KNTC1: variants seen among roughly 807,000 people sequenced by gnomAD.
KNTC1 encodes the protein kinetochore associated 1, also known as kinetochore-associated protein 1.
Under a neutral mutation model 314.4 loss-of-function variants are expected in KNTC1, and 253 were observed. The ratio of observed to expected loss-of-function variants is 0.80; its 90% CI spans 0.73 to 0.89. The LOEUF is 0.89. KNTC1 is among the 40% of genes least tolerant of loss of function. KNTC1 has a pLI of 0.00. For synonymous variants in KNTC1, 901 were observed against 901.4 expected, an observed-to-expected ratio of 1.00 and a Z score of 0.01; for missense variants, 2,475 against 2,572.9, an observed-to-expected ratio of 0.96 and a Z score of 0.82.
intron 30 of KNTC1, 111 bp downstream of exon 30, chr12:122,577,140 G>A (rs1018879242): frequency 1.3e-5 from 10 of 745,788 alleles, no homozygotes; most frequent in African/African-American, 1.8e-5. Flanking sequence ...TGCAGTGGCT[G>A]TGTTTCACCA....
chr12:122,543,572 A>G (rs1359679875), intron 6 of KNTC1, 28 bp from the exon 7 acceptor site: 6 of 1,498,664 alleles, frequency 4.0e-6, no homozygotes, highest in South Asian at 1.2e-5. Context: ...AATACTATAC[A>G]TTTAGCCTGC....
intron 51 of KNTC1, among the ~76,000 whole-genome samples, chr12:122,608,811 A>C (rs1419806133): frequency 1.3e-5 from 2 of 152,152 alleles, no homozygotes; most frequent in Admixed American, 1.3e-4. Context: ...TAATCTCAGC[A>C]CTTTGGGAGG....
At chr12:122,575,495 A>G (rs1471673271) in intron 27 of KNTC1, 48 bp from the exon 28 acceptor site, 2 of 1,290,028 alleles carry the variant, frequency 1.6e-6, no homozygotes, top group Non-Finnish European at 2.2e-6. Context: ...ACTTGCATGC[A>G]TCGTAAACCT....
Position 122,598,004 on chromosome 12 carries a change from A to T in KNTC1, c.4563+66A>T, listed in dbSNP as rs1871301066. On this transcript the variant is annotated intron_variant, in intron 44 of 63. Coordinates refer to ENST00000333479, the MANE Select transcript of KNTC1 (RefSeq NM_014708.6). ...CCTCCCACCCTTAATAATTAGATAC[A>T]TTAGTAACAAATTGGATGTATAAGT... 1.2e-5 allele frequency: 14 copies of T among 1,170,800 alleles called. No homozygotes were observed. In the South Asian group the frequency reaches 1.6e-4, roughly 14 times the overall value. The allele number at this position is 1,170,800 out of a possible 1,614,324, so 72.5% of individuals were successfully genotyped here.
chr12:122,615,003 G>C lies in KNTC1; in HGVS notation c.5890G>C (p.Val1964Leu). ...TTTTTGGCTTCAGGCAGTAAGATTGGTGACTGAGCTGTGTTTAGAATACAA... is the reference window on the plus strand; with the variant it reads ...TTTTTGGCTTCAGGCAGTAAGATTGCTGACTGAGCTGTGTTTAGAATACAA... Reference protein sequence around the residue: ...HSHESMAVRLVTELCLEYKIY... With the variant: ...HSHESMAVRLLTELCLEYKIY... Residue 1964 changes from valine to leucine, a missense_variant, in exon 56 of 64, where the codon GTG becomes CTG. Physicochemically the swap from Val to Leu is conservative, Grantham distance 32. Transcript: ENST00000333479. 6.2e-7 allele frequency: 1 copy of C among 1,612,728 alleles called. No homozygotes were observed. Among genetic ancestry groups the C allele is most frequent in the Non-Finnish European group, 8.5e-7 (1 of 1,179,302 alleles).
rs1964884746 is a variant in KNTC1 at position 122,574,294 on chromosome 12, A to AGAT, written c.2298_2300dup (p.Arg766_Cys767insTer). On this transcript the variant is annotated stop_gained and inframe_insertion, in exon 27 of 64. Transcript: ENST00000333479. LOFTEE classifies it high-confidence loss of function. ...TATCCCTTTTTAGGATTTACTGAAT[A>AGAT]GATGCAGCTCAAAGTCCACATCACT... is the stretch of plus-strand genomic sequence containing the variant. 2 of 1,599,714 alleles carry AGAT rather than the reference A, an allele frequency of 1.3e-6. No individual in the cohort carries two copies. Among genetic ancestry groups the AGAT allele is most frequent in the African/African-American group, 2.7e-5 (2 of 74,332 alleles).
chr12:122,596,438 C>G (rs1183470960), intron 43 of KNTC1, among the ~76,000 whole-genome samples: 1 of 151,338 alleles, frequency 6.6e-6, no homozygotes, highest in Non-Finnish European at 1.5e-5. Flanking sequence ...AGGCTGGTCT[C>G]CAACTCCTGA....
intron 37 of KNTC1, 94 bp downstream of exon 37, chr12:122,585,868 T>G (rs1869210105): frequency 8.7e-7 from 1 of 1,151,328 alleles, no homozygotes; most frequent in Admixed American, 1.9e-5. Context: ...CACAGTAATG[T>G]GGGCGAACCT....
At chr12:122,625,943 G>T (rs373954908) in intron 63 of KNTC1, among the ~76,000 whole-genome samples, 1 of 152,012 alleles carries the variant, frequency 6.6e-6, no homozygotes, top group Non-Finnish European at 1.5e-5. Flanking sequence ...TTTTGTTACC[G>T]CCCATTAATA....
chr12:122,613,927 A>G (rs1029993780), intron 55 of KNTC1, among the ~76,000 whole-genome samples, 166 bp downstream of exon 55: 2 of 151,984 alleles, frequency 1.3e-5, no homozygotes, highest in Admixed American at 6.6e-5. Context: ...TGCAACCTCC[A>G]TCTCCCGGGT....
intron 44 of KNTC1, among the ~76,000 whole-genome samples, chr12:122,598,358 G>T (rs889860602): frequency 3.3e-5 from 5 of 150,540 alleles, no homozygotes; most frequent in African/African-American, 1.2e-4. Flanking sequence ...TATCTCAAAA[G>T]AAACAATTTC....
At chr12:122,529,515 C>T (rs1371668585) in intron 1 of KNTC1, among the ~76,000 whole-genome samples, 1 of 152,046 alleles carries the variant, frequency 6.6e-6, no homozygotes, top group African/African-American at 2.4e-5. Context: ...CTCCCCTTAT[C>T]ATTTTTATTT....
In KNTC1 at chr12:122,579,893, AT is replaced by A; in HGVS notation, c.2842-9del. 6.3e-7 allele frequency: 1 copy of A among 1,588,216 alleles called. No individual in the cohort carries two copies. On this transcript the variant is annotated splice_polypyrimidine_tract_variant and intron_variant, in intron 31 of 63. Coordinates refer to ENST00000333479, the MANE Select transcript of KNTC1 (RefSeq NM_014708.6). ...AAGTAGATTTTATTTCGCTTTATTT[AT>A]TTATTTTTAGGGCAAGGCCTGGAGA...
chr12:122,583,947 A>T (rs1324746566), intron 34 of KNTC1, among the ~76,000 whole-genome samples: 2 of 152,276 alleles, frequency 1.3e-5, no homozygotes, highest in Admixed American at 1.3e-4. Context: ...ACATAGTGAG[A>T]GCTCATCTCT....
chr12:122,529,864 G>T (rs983118588), intron 1 of KNTC1, 127 bp from the exon 2 acceptor site: 4 of 443,140 alleles, frequency 9.0e-6, no homozygotes, highest in Non-Finnish European at 1.6e-5. Context: ...TTATTGGCCC[G>T]AAGTGTTTAG....
intron 43 of KNTC1, among the ~76,000 whole-genome samples, chr12:122,595,118 C>T (rs754511829): frequency 6.6e-6 from 1 of 152,226 alleles, no homozygotes; most frequent in East Asian, 1.9e-4. Flanking sequence ...TCAAGTGATT[C>T]ACCCGCCTCG....
intron 33 of KNTC1, among the ~76,000 whole-genome samples, chr12:122,582,439 TA>T (rs1325986017): frequency 1.3e-5 from 2 of 151,566 alleles, no homozygotes; most frequent in African/African-American, 2.4e-5. Flanking sequence ...TGGATGGATG[TA>T]AACAACTGGG....
intron 59 of KNTC1, among the ~76,000 whole-genome samples, chr12:122,619,408 A>G (rs1003433954): frequency 7.2e-5 from 10 of 138,310 alleles, no homozygotes; most frequent in African/African-American, 2.7e-4. Context: ...TGCGCCCAGC[A>G]ACACTTGTTT....
intron 7 of KNTC1, 61 bp from the exon 8 acceptor site, chr12:122,544,098 G>C: frequency 1.4e-6 from 1 of 693,462 alleles, no homozygotes; most frequent in Non-Finnish European, 2.4e-6. Context: ...ACTGATTTTA[G>C]TGATTTTATG....
Sources: gnomAD v4.1 joint callset for allele counts (sites outside exome capture counted in the v4.1 genomes callset) on GRCh38, gnomAD v4.1.1 for gene constraint, MANE v1.5 for transcripts, NCBI Gene and HGNC (gene_info 2026-07-23, HGNC 2026-07-21) for gene names.